SH2D4B: variants seen among roughly 807,000 people sequenced by gnomAD.
SH2D4B encodes SH2 domain containing 4B.
A neutral mutation model predicts 61.5 loss-of-function variants in SH2D4B; 45 were observed. That is an observed-to-expected ratio of 0.73 (90% CI 0.58 to 0.94). The LOEUF is 0.94. Ranked by LOEUF, SH2D4B falls within the 40% of genes least tolerant of loss-of-function variation. The probability of loss-of-function intolerance (pLI) is 0.00; values close to 1 mark genes in which losing one functional copy is unlikely to be tolerated. For synonymous variants in SH2D4B, 224 were observed against 220.4 expected (o/e 1.02, Z -0.14); for missense variants, 572 against 574.2 (o/e 1.00, Z 0.04).
chr10:80,604,160 T>A (rs1842488234), intron 5 of SH2D4B, among the ~76,000 whole-genome samples: 1 of 152,188 alleles, frequency 6.6e-6, no homozygotes, highest in Admixed American at 6.5e-5. Flanking sequence ...AGACCTCAGA[T>A]GGGTAAAGCA....
At chr10:80,553,594 T>C (rs1379778049) in intron 1 of SH2D4B, among the ~76,000 whole-genome samples, 1 of 152,190 alleles carries the variant, frequency 6.6e-6, no homozygotes, top group Non-Finnish European at 1.5e-5. Context: ...GGTTTGTTCT[T>C]GTTCTAGCAA....
At chr10:80,626,442 G>A (rs900960953) in intron 6 of SH2D4B, among the ~76,000 whole-genome samples, 1 of 152,170 alleles carries the variant, frequency 6.6e-6, no homozygotes, top group African/African-American at 2.4e-5. Context: ...TAGTTTTATA[G>A]TATGTGTCTG....
At position 80,640,717 on chromosome 10, in the gene SH2D4B, C is replaced by G. The variant is rs193087714; in HGVS notation, c.1210-3276C>G. Among the ~76,000 whole-genome samples the G allele has an allele frequency of 4.4e-3, 670 of 152,162 alleles. 1 individual carries two copies. The highest frequency in any genetic ancestry group is 6.9e-3 in the Non-Finnish European group (469 of 68,006). ...ATCTTTTTTCAAGGTTTTTAGCTTC[C>G]TTGCGATGGGTTCAAACATCCTCCT... is the stretch of plus-strand genomic sequence containing the variant. On this transcript the variant is annotated intron_variant, in intron 7 of 7. Transcript: ENST00000646907.
intron 1 of SH2D4B, among the ~76,000 whole-genome samples, chr10:80,560,693 CTTT>C (rs58963330): frequency 0.011 from 643 of 58,868 alleles, 6 homozygotes; most frequent in African/African-American, 0.044. Flanking sequence ...CCTGGCCAAG[CTTT>C]TTTTTTTTTT....
At position 80,571,550 on chromosome 10, in the gene SH2D4B, T is replaced by C. The variant is rs571518725; in HGVS notation, c.467T>C (p.Leu156Pro). Residue 156 changes from leucine to proline, a missense_variant, in exon 3 of 8, where the codon CTG (leucine) becomes CCG (proline). Leu to Pro is a moderately conservative substitution (Grantham distance 98). Transcript: ENST00000646907. ...GAAGACCGCAAGGCTGCCAAAGTCC[T>C]GGAGGAACGCATCCACGAGGAATTC... ...EMEDRKAAKV[L>P]EERIHEEFKR... 3 of 1,614,032 alleles carry C rather than the reference T, an allele frequency of 1.9e-6. No homozygotes were observed. The highest frequency in any genetic ancestry group is 2.2e-5 in the South Asian group (2 of 91,070).
rs182965408 is a variant in SH2D4B at position 80,601,440 on chromosome 10, A to G, written c.644-2139A>G. The stretch of plus-strand genomic sequence containing the variant: ...GTGCCTTGAAAGAAGGATTTGCTTC[A>G]CTGTTATCTCTGTATCCAACTCAGG... On this transcript the variant is annotated intron_variant, in intron 4 of 7. Transcript: ENST00000646907. Among the ~76,000 whole-genome samples the G allele has an allele frequency of 1.8e-3, 274 of 152,330 alleles. 12 individuals carry two copies. Among genetic ancestry groups the G allele is most frequent in the Non-Finnish European group, 1.1e-3 (72 of 68,030 alleles).
rs114459004 is a variant in SH2D4B at position 80,541,636 on chromosome 10, C to T, written c.184+3121C>T. Among the ~76,000 whole-genome samples the T allele has an allele frequency of 6.2e-3, 946 of 152,224 alleles. 9 individuals are homozygous for T. The highest frequency in any genetic ancestry group is 0.022 in the African/African-American group (911 of 41,480). On this transcript the variant is annotated intron_variant, in intron 1 of 7. Transcript: ENST00000646907. The stretch of plus-strand genomic sequence containing the variant: ...CTCGCTCCTGGCAAGCCTGGCTTTG[C>T]CATCCCTTGGGCTCAAGTAACACTC...
At position 80,571,542 on chromosome 10, in the gene SH2D4B, C is replaced by G. The variant is rs1223616772; in HGVS notation, c.459C>G (p.Ala153=). 1 of 1,613,918 alleles carries G rather than the reference C, an allele frequency of 6.2e-7. No homozygotes were observed. The highest frequency in any genetic ancestry group is 1.3e-5 in the African/African-American group (1 of 74,908). Residue 153 remains alanine, a synonymous_variant, in exon 3 of 8, where the codon GCC becomes GCG. Coordinates refer to ENST00000646907, the MANE Select transcript of SH2D4B (RefSeq NM_001388272.1). ...WKVEMEDRKA[A]KVLEERIHEE... is the part of the protein sequence containing the mutation. ...TGGAGATGGAAGACCGCAAGGCTGC[C>G]AAAGTCCTGGAGGAACGCATCCACG...
chr10:80,615,415 A>G (rs1842649867), intron 6 of SH2D4B, among the ~76,000 whole-genome samples: 1 of 152,210 alleles, frequency 6.6e-6, no homozygotes, highest in Admixed American at 6.5e-5. Context: ...ACTGCCATCC[A>G]GGGATGGAAA....
intron 1 of SH2D4B, among the ~76,000 whole-genome samples, chr10:80,550,353 G>C (rs978536320): frequency 2.6e-5 from 4 of 152,144 alleles, no homozygotes; most frequent in Non-Finnish European, 5.9e-5. Flanking sequence ...CAGCACTTTG[G>C]GAGGCTGAGG....
chr10:80,550,510 C>T (rs1371666505), intron 1 of SH2D4B, among the ~76,000 whole-genome samples: 6 of 152,060 alleles, frequency 3.9e-5, no homozygotes, highest in Admixed American at 2.0e-4. Context: ...AGGAGAATGG[C>T]GTGAACCCAG....
chr10:80,591,620 C>A (rs1376626743), intron 4 of SH2D4B, among the ~76,000 whole-genome samples: 1 of 151,284 alleles, frequency 6.6e-6, no homozygotes, highest in Non-Finnish European at 1.5e-5. Context: ...AACTCTCCTG[C>A]CTCCCTAGTA....
At chr10:80,602,971 TG>T (rs1235047317) in intron 4 of SH2D4B, among the ~76,000 whole-genome samples, 1 of 152,188 alleles carries the variant, frequency 6.6e-6, no homozygotes, top group Non-Finnish European at 1.5e-5. Flanking sequence ...TGATTTACTT[TG>T]GGCTAGTTAC....
intron 3 of SH2D4B, among the ~76,000 whole-genome samples, chr10:80,573,328 T>C (rs1842086521): frequency 6.6e-6 from 1 of 151,998 alleles, no homozygotes; most frequent in Admixed American, 6.6e-5. Flanking sequence ...TTTCTTAAAT[T>C]TGGTTTCAGT....
intron 6 of SH2D4B, among the ~76,000 whole-genome samples, chr10:80,612,981 C>G (rs978749683): frequency 1.3e-5 from 2 of 152,174 alleles, no homozygotes; most frequent in African/African-American, 4.8e-5. Context: ...AGGACACTTA[C>G]GAAGATTGAG....
chr10:80,580,599 A>G (rs1024275904), intron 3 of SH2D4B, among the ~76,000 whole-genome samples: 4 of 152,216 alleles, frequency 2.6e-5, no homozygotes, highest in Non-Finnish European at 5.9e-5. Flanking sequence ...CTCTCCCATC[A>G]TGGCTGGGAA....
At chr10:80,570,423 T>C in intron 2 of SH2D4B, 107 bp downstream of exon 2, 1 of 1,366,082 alleles carries the variant, frequency 7.3e-7, no homozygotes, top group Non-Finnish European at 9.8e-7. Flanking sequence ...TTCCATCATG[T>C]TGGCCGGGCT....
chr10:80,602,996 G>A (rs868110040), intron 4 of SH2D4B, among the ~76,000 whole-genome samples: 2 of 152,130 alleles, frequency 1.3e-5, no homozygotes, highest in African/African-American at 4.8e-5. Flanking sequence ...ACCTCTCAGA[G>A]GCTGGTTTCC....
intron 4 of SH2D4B, among the ~76,000 whole-genome samples, chr10:80,592,715 CTTT>C (rs60807866): frequency 3.0e-5 from 4 of 134,538 alleles, no homozygotes; most frequent in Admixed American, 7.8e-5. Context: ...CTCTCTGTCT[CTTT>C]TTTTTTTTTT....
Sources: allele counts gnomAD v4.1 joint callset (sites outside exome capture counted in the v4.1 genomes callset), GRCh38; gene constraint gnomAD v4.1.1; transcripts MANE v1.5; gene names NCBI Gene and HGNC (gene_info 2026-07-23, HGNC 2026-07-21).